Variants in AGMO observed in about 807,000 individuals in gnomAD.
AGMO encodes the protein alkylglycerol monooxygenase, also known as glyceryl-ether monooxygenase.
AGMO carries 75 observed loss-of-function variants against 60.2 expected under a neutral mutation model. The observed-to-expected ratio is 1.25, with a 90% confidence interval of 1.03 to 1.51. The LOEUF (loss-of-function observed/expected upper bound fraction) is 1.51, where lower values mean the gene tolerates loss of function less well. Among genes scored for constraint, AGMO ranks in the 40% most tolerant of loss-of-function variants. AGMO has a pLI of 0.00. For missense variants in AGMO, 763 were observed against 525.5 expected, an observed-to-expected ratio of 1.45 and a Z score of -4.42; for synonymous variants, 261 against 177.1, an observed-to-expected ratio of 1.47 and a Z score of -3.76.
At chr7:15,493,855 T>C (rs1271034830) in intron 3 of AGMO, among the ~76,000 whole-genome samples, 1 of 152,146 alleles carries the variant, frequency 6.6e-6, no homozygotes, top group Non-Finnish European at 1.5e-5. Flanking sequence ...TTCTCTTTTT[T>C]TGTTAATTTG....
intron 5 of AGMO, among the ~76,000 whole-genome samples, chr7:15,417,740 G>A (rs1433394290): frequency 2.6e-5 from 4 of 152,124 alleles, no homozygotes; most frequent in Admixed American, 1.3e-4. Flanking sequence ...ATGGAATAAT[G>A]CACTTTGTTG....
intron 4 of AGMO, among the ~76,000 whole-genome samples, chr7:15,421,250 C>T (rs187677933): frequency 1.2e-4 from 18 of 151,978 alleles, no homozygotes; most frequent in African/African-American, 1.9e-4. Flanking sequence ...AGCCTGTGTG[C>T]GTGGGAGAGT....
intron 8 of AGMO, 64 bp from the exon 9 acceptor site, chr7:15,387,604 G>A: frequency 7.2e-7 from 1 of 1,394,254 alleles, no homozygotes; most frequent in East Asian, 2.3e-5. Context: ...AATACCAAAA[G>A]TTATGTATAT....
At chr7:15,507,359 C>T (rs955329686) in intron 3 of AGMO, among the ~76,000 whole-genome samples, 1 of 152,018 alleles carries the variant, frequency 6.6e-6, no homozygotes, top group East Asian at 1.9e-4. Flanking sequence ...GAAAACAACA[C>T]TACGGCTCAA....
chr7:15,331,077 A>G (rs1401005297), intron 12 of AGMO, among the ~76,000 whole-genome samples: 1 of 152,086 alleles, frequency 6.6e-6, no homozygotes, highest in Non-Finnish European at 1.5e-5. Context: ...CCTTTGGGCA[A>G]TCAAGCAGAG....
chr7:15,267,613 G>C (rs1563061601), intron 12 of AGMO, among the ~76,000 whole-genome samples: 2 of 151,862 alleles, frequency 1.3e-5, no homozygotes, highest in African/African-American at 4.8e-5. Context: ...TTTCCTTTGT[G>C]GCTTACTATG....
At chr7:15,332,877 C>G (rs182916595) in intron 12 of AGMO, among the ~76,000 whole-genome samples, 40 of 152,064 alleles carry the variant, frequency 2.6e-4, no homozygotes, top group African/African-American at 8.0e-4. Context: ...ACAGATATTA[C>G]AAAATAATAT....
the AGMO span, among the ~76,000 whole-genome samples, chr7:15,151,452 A>G: frequency 6.6e-6 from 1 of 152,072 alleles, no homozygotes; most frequent in Non-Finnish European, 1.5e-5. Context: ...GTAGGTGTTC[A>G]GCACAATAAA....
intron 12 of AGMO, among the ~76,000 whole-genome samples, chr7:15,336,610 A>G (rs865854302): frequency 1.3e-5 from 2 of 152,076 alleles, no homozygotes; most frequent in African/African-American, 4.8e-5. Context: ...TGTGCCACCG[A>G]ATATATTAAT....
intron 3 of AGMO, among the ~76,000 whole-genome samples, chr7:15,511,027 G>A (rs574147529): frequency 6.6e-6 from 1 of 151,816 alleles, no homozygotes; most frequent in East Asian, 1.9e-4. Flanking sequence ...CACTTCTAAT[G>A]TTAAACATTG....
At chr7:15,400,058 T>C (rs1215734880) in intron 5 of AGMO, among the ~76,000 whole-genome samples, 1 of 152,210 alleles carries the variant, frequency 6.6e-6, no homozygotes, top group African/African-American at 2.4e-5. Context: ...CAGTTCTTTG[T>C]GCTAGTTACT....
chr7:15,125,580 G>A, the AGMO span, among the ~76,000 whole-genome samples: 22 of 151,792 alleles, frequency 1.4e-4, no homozygotes, highest in African/African-American at 5.1e-4. Context: ...AAACACTCTT[G>A]CAATAGTGTT....
At chr7:15,301,883 A>G (rs1238142677) in intron 12 of AGMO, among the ~76,000 whole-genome samples, 3 of 152,166 alleles carry the variant, frequency 2.0e-5, no homozygotes, top group African/African-American at 7.2e-5. Flanking sequence ...CAAGAAGGCA[A>G]AAGTGCCTAA....
Position 15,390,681 on chromosome 7 carries a change from A to C in AGMO, c.812T>G (p.Ile271Ser). ...AAACAAGTATGTTACCTGCACTTTG[A>C]TTGGTTCAAATGTATTAATGGGATG... ...LTHPINTFEP[I>S]KVQFHHLFSI... The change falls in exon 8 of 13, where the codon ATC becomes AGC. Residue 271 changes from isoleucine to serine, a missense_variant. Physicochemically the swap from Ile to Ser is moderately radical, Grantham distance 142. Coordinates refer to ENST00000342526, the MANE Select transcript of AGMO (RefSeq NM_001004320.2). 6.3e-7 allele frequency: 1 copy of C among 1,597,648 alleles called. No individual in the cohort carries two copies. Among genetic ancestry groups the C allele is most frequent in the South Asian group, 1.1e-5 (1 of 87,504 alleles).
intron 3 of AGMO, among the ~76,000 whole-genome samples, chr7:15,523,937 G>A (rs1236927259): frequency 1.3e-5 from 2 of 152,094 alleles, no homozygotes; most frequent in African/African-American, 2.4e-5. Flanking sequence ...AAAATGAAAT[G>A]TAACAGTATG....
chr7:15,532,872 A>C (rs951756481), intron 3 of AGMO, among the ~76,000 whole-genome samples: 6 of 152,038 alleles, frequency 3.9e-5, no homozygotes, highest in African/African-American at 1.4e-4. Context: ...GTGCCTACAG[A>C]CACAGCTACT....
At chr7:15,413,599 TATA>T (rs1161825581) in intron 5 of AGMO, among the ~76,000 whole-genome samples, 2 of 152,120 alleles carry the variant, frequency 1.3e-5, no homozygotes, top group South Asian at 2.1e-4. Context: ...TTATCTATGA[TATA>T]ATAATGATAT....
At chr7:15,147,567 G>C in the AGMO span, among the ~76,000 whole-genome samples, 2 of 152,228 alleles carry the variant, frequency 1.3e-5, no homozygotes, top group African/African-American at 4.8e-5. Context: ...TTCAAGATGA[G>C]ATTTGGGTGG....
intron 5 of AGMO, among the ~76,000 whole-genome samples, chr7:15,405,463 T>C (rs1245434538): frequency 6.6e-6 from 1 of 151,886 alleles, no homozygotes; most frequent in Non-Finnish European, 1.5e-5. Context: ...CACCAGAGAT[T>C]TATTTTACGT....
Sources: allele counts gnomAD v4.1 joint callset (sites outside exome capture counted in the v4.1 genomes callset), GRCh38; gene constraint gnomAD v4.1.1; transcripts MANE v1.5; gene names NCBI Gene and HGNC (gene_info 2026-07-23, HGNC 2026-07-21).